The following SEZ6L variants were observed in gnomAD, a reference collection of about 807,000 sequenced individuals.
The protein encoded by SEZ6L is seizure 6-like protein.
A neutral mutation model predicts 106.2 loss-of-function variants in SEZ6L; 37 were observed. The ratio of observed to expected loss-of-function variants is 0.35; its 90% CI spans 0.27 to 0.46. The LOEUF is 0.46. Among genes scored for constraint, SEZ6L ranks in the 20% least tolerant of loss-of-function variants. The probability of loss-of-function intolerance (pLI) is 1.00; values close to 1 mark genes in which losing one functional copy is unlikely to be tolerated. For missense variants in SEZ6L, 1,172 were observed against 1,332.8 expected (o/e 0.88, Z 1.88); for synonymous variants, 541 against 570.4 (o/e 0.95, Z 0.73).
At chr22:26,185,463 A>G (rs1402215798) in intron 1 of SEZ6L, among the ~76,000 whole-genome samples, 1 of 152,184 alleles carries the variant, frequency 6.6e-6, no homozygotes, top group African/African-American at 2.4e-5. Flanking sequence ...GGGCTGAATC[A>G]TAGTTTCCAA....
At chr22:26,280,368 C>G (rs1461425619) in intron 1 of SEZ6L, among the ~76,000 whole-genome samples, 1 of 152,068 alleles carries the variant, frequency 6.6e-6, no homozygotes, top group Non-Finnish European at 1.5e-5. Context: ...AATGCCCCAC[C>G]TCCCCTGTAA....
chr22:26,212,956 T>C (rs943463671), intron 1 of SEZ6L, among the ~76,000 whole-genome samples: 2 of 152,070 alleles, frequency 1.3e-5, no homozygotes, highest in Non-Finnish European at 2.9e-5. Context: ...TAAAGTAGAA[T>C]TAATAAGACA....
intron 13 of SEZ6L, among the ~76,000 whole-genome samples, chr22:26,368,899 A>C (rs960715470): frequency 1.3e-5 from 2 of 152,174 alleles, no homozygotes; most frequent in African/African-American, 4.8e-5. Context: ...TACAAGACAA[A>C]GCTAGGACTT....
At chr22:26,356,423 C>T (rs935378123) in intron 12 of SEZ6L, among the ~76,000 whole-genome samples, 21 of 151,966 alleles carry the variant, frequency 1.4e-4, no homozygotes, top group Non-Finnish European at 2.5e-4. Flanking sequence ...GGGCAGATTA[C>T]CTGAGGTCAG....
chr22:26,372,947 C>T (rs546002401), intron 13 of SEZ6L, among the ~76,000 whole-genome samples: 2 of 152,218 alleles, frequency 1.3e-5, no homozygotes, highest in Admixed American at 1.3e-4. Flanking sequence ...TGCTTTGCCC[C>T]ACATGAAAAT....
intron 1 of SEZ6L, among the ~76,000 whole-genome samples, chr22:26,282,526 T>C (rs1281728602): frequency 6.6e-6 from 1 of 152,160 alleles, no homozygotes; most frequent in Non-Finnish European, 1.5e-5. Context: ...TAAACTCTGG[T>C]TGATGTGGAG....
intron 3 of SEZ6L, among the ~76,000 whole-genome samples, chr22:26,294,900 G>T (rs796955621): frequency 3.6e-4 from 51 of 142,156 alleles, no homozygotes; most frequent in African/African-American, 1.3e-3. Flanking sequence ...TTGCTTGCTT[G>T]CTTGCTTCCT....
At chr22:26,215,193 A>G (rs570876602) in intron 1 of SEZ6L, among the ~76,000 whole-genome samples, 1 of 152,350 alleles carries the variant, frequency 6.6e-6, no homozygotes, top group Non-Finnish European at 1.5e-5. Context: ...AACTGAGATC[A>G]TTGTAGAGTT....
chr22:26,209,466 TATGGATGGATGGATGG>T (rs71192906), intron 1 of SEZ6L, among the ~76,000 whole-genome samples: 135 of 148,536 alleles, frequency 9.1e-4, no homozygotes, highest in African/African-American at 3.2e-3. Context: ...AGGAAGGATA[TATGGATGGATGGATGG>T]ATGGATGGAT....
chr22:26,307,478 TAAA>T (rs34235682), intron 6 of SEZ6L, among the ~76,000 whole-genome samples: 2 of 145,372 alleles, frequency 1.4e-5, no homozygotes, highest in Admixed American at 6.9e-5. Flanking sequence ...TGGAAAGACT[TAAA>T]AAAAAAAAAA....
At chr22:26,329,021 T>A (rs771136413) in intron 9 of SEZ6L, among the ~76,000 whole-genome samples, 31 of 152,108 alleles carry the variant, frequency 2.0e-4, no homozygotes, top group Non-Finnish European at 3.2e-4. Flanking sequence ...TTTTTAAACC[T>A]CCGCGGGGAT....
intron 11 of SEZ6L, among the ~76,000 whole-genome samples, chr22:26,349,552 C>T (rs190580047): frequency 5.9e-5 from 9 of 152,284 alleles, no homozygotes; most frequent in East Asian, 1.9e-4. Flanking sequence ...TATGTGTCAT[C>T]TGTCATATGT....
At chr22:26,374,394 C>G (rs578078798) in intron 14 of SEZ6L, among the ~76,000 whole-genome samples, 18 of 151,698 alleles carry the variant, frequency 1.2e-4, no homozygotes, top group African/African-American at 3.9e-4. Flanking sequence ...AGTGGCTGTT[C>G]CTTGTAACAG....
intron 1 of SEZ6L, among the ~76,000 whole-genome samples, chr22:26,290,606 A>G (rs1277632577): frequency 5.9e-5 from 9 of 152,246 alleles, no homozygotes. Flanking sequence ...AATCGCAAGG[A>G]TGGGGACCAA....
intron 1 of SEZ6L, 84 bp from the exon 2 acceptor site, chr22:26,292,322 T>C (rs2081153146): frequency 2.6e-6 from 3 of 1,139,846 alleles, no homozygotes; most frequent in Non-Finnish European, 2.5e-6. Flanking sequence ...GCACCGCCCT[T>C]AGGAGGGCCA....
intron 14 of SEZ6L, among the ~76,000 whole-genome samples, chr22:26,374,874 C>T (rs922958733): frequency 2.6e-5 from 4 of 152,082 alleles, no homozygotes; most frequent in Admixed American, 6.6e-5. Context: ...AGAGAGCAGC[C>T]GGGAAATGTG....
intron 1 of SEZ6L, among the ~76,000 whole-genome samples, chr22:26,243,443 C>G (rs1008116904): frequency 5.9e-5 from 9 of 152,184 alleles, no homozygotes; most frequent in African/African-American, 2.2e-4. Flanking sequence ...ATGCAAATAA[C>G]TGGTGCACAG....
chr22:26,264,434 C>G (rs989619693), intron 1 of SEZ6L, among the ~76,000 whole-genome samples: 1 of 152,174 alleles, frequency 6.6e-6, no homozygotes, highest in Admixed American at 6.5e-5. Context: ...ATGGATGAAA[C>G]AAGCTGTATG....
At chr22:26,358,765 G>A (rs992277542) in intron 12 of SEZ6L, among the ~76,000 whole-genome samples, 2 of 152,024 alleles carry the variant, frequency 1.3e-5, no homozygotes, top group Non-Finnish European at 2.9e-5. Flanking sequence ...TGCTTTCCAG[G>A]GGACATGTGT....
Sources: gnomAD v4.1 joint callset for allele counts (sites outside exome capture counted in the v4.1 genomes callset) on GRCh38, gnomAD v4.1.1 for gene constraint, MANE v1.5 for transcripts, NCBI Gene and HGNC (gene_info 2026-07-23, HGNC 2026-07-21) for gene names.